ARHGAP15: variants seen among roughly 807,000 people sequenced by gnomAD.
ARHGAP15 encodes rho GTPase-activating protein 15.
In ARHGAP15, 51 loss-of-function variants were observed where a neutral mutation model predicts 63.7. The observed-to-expected ratio is 0.80, with a 90% CI of 0.64 to 1.01. The LOEUF (loss-of-function observed/expected upper bound fraction) is 1.01, where lower values mean the gene tolerates loss of function less well. Among genes scored for constraint, ARHGAP15 ranks in the 50% least tolerant of loss-of-function variants. The probability of loss-of-function intolerance (pLI) is 0.00; values close to 1 mark genes in which losing one functional copy is unlikely to be tolerated. For synonymous variants in ARHGAP15, 191 were observed against 193.8 expected, an observed-to-expected ratio of 0.99 and a Z score of 0.12; for missense variants, 560 against 564.6, an observed-to-expected ratio of 0.99 and a Z score of 0.08.
intron 6 of ARHGAP15, among the ~76,000 whole-genome samples, chr2:143,303,147 C>A (rs376573371): frequency 9.9e-5 from 15 of 151,772 alleles, no homozygotes; most frequent in East Asian, 3.9e-4. Context: ...GCAACAAAAG[C>A]CAAAATTGAC....
chr2:143,409,029 A>G (rs1688330802), intron 6 of ARHGAP15, among the ~76,000 whole-genome samples: 1 of 152,026 alleles, frequency 6.6e-6, no homozygotes, highest in Admixed American at 6.5e-5. Flanking sequence ...TGATAATGAC[A>G]TTGTTTAATT....
chr2:143,457,605 A>C (rs1415652031), intron 8 of ARHGAP15, among the ~76,000 whole-genome samples: 1 of 150,470 alleles, frequency 6.6e-6, no homozygotes, highest in Non-Finnish European at 1.5e-5. Flanking sequence ...ATATATTATA[A>C]TTTATACTAT....
chr2:143,195,928 A>G (rs1558806900), intron 2 of ARHGAP15, among the ~76,000 whole-genome samples: 1 of 152,144 alleles, frequency 6.6e-6, no homozygotes, highest in Non-Finnish European at 1.5e-5. Context: ...ACAGTATGTA[A>G]TATATCACAT....
rs1481441485 is a variant in ARHGAP15 at position 143,624,251 on chromosome 2, G to C, written c.1122G>C (p.Gln374His). The change falls in exon 12 of 14, where the codon CAG becomes CAC. Residue 374 changes from glutamine to histidine, a missense_variant. Physicochemically the swap from Gln to His is conservative, Grantham distance 24. Transcript: ENST00000295095. The part of the protein sequence containing the change: ...EPLFPYSFFE[Q>H]FVEAIKKQDN... ...TCTTCCCTTACAGTTTCTTTGAGCA[G>C]TTTGTGGAAGCGATCAGTAAGTACC... The C allele has an allele frequency of 6.2e-7, 1 of 1,613,214 alleles. No homozygotes were observed. Among genetic ancestry groups the C allele is most frequent in the Non-Finnish European group, 8.5e-7 (1 of 1,179,554 alleles).
At chr2:143,252,129 T>C (rs913606827) in intron 6 of ARHGAP15, among the ~76,000 whole-genome samples, 1 of 152,116 alleles carries the variant, frequency 6.6e-6, no homozygotes, top group Non-Finnish European at 1.5e-5. Flanking sequence ...TCTTTGGAGA[T>C]GGGCTAAGCC....
At chr2:143,219,508 A>T (rs1692901615) in intron 4 of ARHGAP15, among the ~76,000 whole-genome samples, 1 of 152,252 alleles carries the variant, frequency 6.6e-6, no homozygotes, top group Non-Finnish European at 1.5e-5. Context: ...CATTCCAAAC[A>T]ACATTTCAAT....
intron 11 of ARHGAP15, among the ~76,000 whole-genome samples, chr2:143,601,026 C>T (rs1322089817): frequency 2.0e-5 from 3 of 152,076 alleles, no homozygotes; most frequent in Non-Finnish European, 4.4e-5. Context: ...CCATGGTTTG[C>T]TAATCTCTGT....
intron 12 of ARHGAP15, among the ~76,000 whole-genome samples, chr2:143,680,330 C>T (rs1683043758): frequency 6.6e-6 from 1 of 152,170 alleles, no homozygotes; most frequent in Non-Finnish European, 1.5e-5. Context: ...CAATTTTATA[C>T]AATAATGTGG....
intron 6 of ARHGAP15, among the ~76,000 whole-genome samples, chr2:143,263,766 C>A (rs1484847887): frequency 3.3e-5 from 5 of 152,080 alleles, no homozygotes; most frequent in Non-Finnish European, 7.4e-5. Flanking sequence ...AGTCACCTTC[C>A]ATTGCCTGGA....
In ARHGAP15 at chr2:143,259,527, G is replaced by A. The variant is rs116112434; in HGVS notation, c.474+8927G>A. Among the ~76,000 whole-genome samples the A allele has an allele frequency of 8.6e-3, 1,307 of 152,266 alleles. 9 individuals are homozygous for A. The highest frequency in any genetic ancestry group is 0.013 in the Non-Finnish European group (904 of 68,024). On this transcript the variant is annotated intron_variant, in intron 6 of 13. Transcript: ENST00000295095. Reference sequence around the variant, plus strand: ...TAACATAGGAAATCTTAGATGGACTGCAAAGAATGCTGCATTATTCATAAA... The same window carrying A: ...TAACATAGGAAATCTTAGATGGACTACAAAGAATGCTGCATTATTCATAAA...
intron 4 of ARHGAP15, among the ~76,000 whole-genome samples, chr2:143,218,912 G>A (rs1248875112): frequency 3.9e-5 from 6 of 152,174 alleles, no homozygotes; most frequent in African/African-American, 7.2e-5. Context: ...GCGCTATGAT[G>A]TTATGAAGAC....
At chr2:143,729,936 ATAAG>A (rs1477138686) in intron 13 of ARHGAP15, among the ~76,000 whole-genome samples, 3 of 152,132 alleles carry the variant, frequency 2.0e-5, no homozygotes, top group Non-Finnish European at 2.9e-5. Context: ...GAAATCATAA[ATAAG>A]TATGTGTTCT....
rs188323192 is a variant in ARHGAP15 at position 143,660,319 on chromosome 2, A to G, written c.1138+36052A>G. On this transcript the variant is annotated intron_variant, in intron 12 of 13. Transcript: ENST00000295095. ...GTAATCCCAGAAATTTTAGGAGACAATGGGAATTCCAATTGCATTTGGGGA... is the reference window on the plus strand; with the variant it reads ...GTAATCCCAGAAATTTTAGGAGACAGTGGGAATTCCAATTGCATTTGGGGA... Among the ~76,000 whole-genome samples the G allele has an allele frequency of 2.0e-5, 3 of 152,314 alleles. No homozygotes were observed. The East Asian group carries it at 5.8e-4, about 29-fold the overall frequency.
At chr2:143,336,220 C>T (rs953001454) in intron 6 of ARHGAP15, among the ~76,000 whole-genome samples, 1 of 152,002 alleles carries the variant, frequency 6.6e-6, no homozygotes, top group Admixed American at 6.6e-5. Flanking sequence ...TGTTGCCCAG[C>T]CTCCAGCTTG....
At chr2:143,516,200 T>C (rs1693811532) in intron 9 of ARHGAP15, among the ~76,000 whole-genome samples, 1 of 152,228 alleles carries the variant, frequency 6.6e-6, no homozygotes, top group South Asian at 2.1e-4. Context: ...GGAATGAGTC[T>C]TGGTTGTTAT....
At chr2:143,173,705 G>T (rs574857678) in intron 2 of ARHGAP15, among the ~76,000 whole-genome samples, 2 of 152,170 alleles carry the variant, frequency 1.3e-5, no homozygotes, top group African/African-American at 4.8e-5. Flanking sequence ...AGGATAAAAT[G>T]ATAAGCTCTA....
At chr2:143,465,463 G>A (rs1037198911) in intron 8 of ARHGAP15, among the ~76,000 whole-genome samples, 2 of 152,072 alleles carry the variant, frequency 1.3e-5, no homozygotes, top group Non-Finnish European at 1.5e-5. Context: ...ACATATATGG[G>A]CTATTGAAAA....
chr2:143,586,883 ATC>A (rs1457089405), intron 11 of ARHGAP15, among the ~76,000 whole-genome samples: 1 of 150,944 alleles, frequency 6.6e-6, no homozygotes, highest in African/African-American at 2.4e-5. Context: ...CTCAATCTCA[ATC>A]TCTCAATCTC....
At chr2:143,346,792 G>T (rs1420116420) in intron 6 of ARHGAP15, among the ~76,000 whole-genome samples, 1 of 152,000 alleles carries the variant, frequency 6.6e-6, no homozygotes, top group African/African-American at 2.4e-5. Flanking sequence ...CCCTTAAATT[G>T]TACAATTTAA....
Sources: allele counts gnomAD v4.1 joint callset (sites outside exome capture counted in the v4.1 genomes callset), GRCh38; gene constraint gnomAD v4.1.1; transcripts MANE v1.5; gene names NCBI Gene and HGNC (gene_info 2026-07-23, HGNC 2026-07-21).